OSBPL6: variants seen among roughly 807,000 people sequenced by gnomAD.
OSBPL6 encodes oxysterol binding protein like 6.
A neutral mutation model predicts 125.8 loss-of-function variants in OSBPL6; 49 were observed. That is an observed-to-expected ratio of 0.39 (90% CI 0.31 to 0.49). The LOEUF is 0.49. Among genes scored for constraint, OSBPL6 ranks in the 20% least tolerant of loss-of-function variants. The probability of loss-of-function intolerance (pLI) is 0.88; values close to 1 mark genes in which losing one functional copy is unlikely to be tolerated. For synonymous variants in OSBPL6, 394 were observed against 391.8 expected, an observed-to-expected ratio of 1.01 and a Z score of -0.07; for missense variants, 986 against 1,135.4, an observed-to-expected ratio of 0.87 and a Z score of 1.89.
At chr2:178,338,924 C>T in intron 9 of OSBPL6, 67 bp from the exon 10 acceptor site, 3 of 1,103,274 alleles carry the variant, frequency 2.7e-6, no homozygotes, top group South Asian at 2.8e-5. Context: ...TGCATTGACC[C>T]TTTTATTACC....
At chr2:178,249,853 T>C (rs1188978643) in intron 1 of OSBPL6, among the ~76,000 whole-genome samples, 1 of 150,560 alleles carries the variant, frequency 6.6e-6, no homozygotes, top group Non-Finnish European at 1.5e-5. Context: ...TTTGGAATCT[T>C]ATATTAGCAT....
At chr2:178,313,518 G>T (rs1247247530) in intron 3 of OSBPL6, among the ~76,000 whole-genome samples, 1 of 152,026 alleles carries the variant, frequency 6.6e-6, no homozygotes, top group African/African-American at 2.4e-5. Flanking sequence ...AGAAGAAAAA[G>T]CCAGCCAGCC....
At chr2:178,234,527 C>G (rs993098730) in intron 1 of OSBPL6, among the ~76,000 whole-genome samples, 5 of 152,126 alleles carry the variant, frequency 3.3e-5, no homozygotes, top group African/African-American at 7.2e-5. Flanking sequence ...CACTGTTTCC[C>G]CCAAAGGTAA....
chr2:178,203,587 T>C (rs929096173), intron 1 of OSBPL6, among the ~76,000 whole-genome samples: 2 of 152,222 alleles, frequency 1.3e-5, no homozygotes, highest in Non-Finnish European at 2.9e-5. Context: ...CCATGAGTCA[T>C]ATTTCCCTGC....
chr2:178,376,585 T>C (rs1424522263), intron 15 of OSBPL6, among the ~76,000 whole-genome samples: 1 of 152,142 alleles, frequency 6.6e-6, no homozygotes, highest in Admixed American at 6.6e-5. Flanking sequence ...GTAATCTTCC[T>C]AAAAGGCAAA....
chr2:178,224,603 T>C (rs2090474721), intron 1 of OSBPL6, among the ~76,000 whole-genome samples: 1 of 152,226 alleles, frequency 6.6e-6, no homozygotes, highest in Admixed American at 6.5e-5. Context: ...GTTTCTTTCA[T>C]GAATCAGAAC....
At chr2:178,381,843 C>T (rs1485867482) in intron 15 of OSBPL6, among the ~76,000 whole-genome samples, 1 of 152,150 alleles carries the variant, frequency 6.6e-6, no homozygotes, top group Admixed American at 6.5e-5. Flanking sequence ...ACTGTCGGGC[C>T]CTCTTGTTTT....
intron 3 of OSBPL6, among the ~76,000 whole-genome samples, chr2:178,316,531 G>A (rs751002302): frequency 8.5e-5 from 13 of 152,076 alleles, no homozygotes; most frequent in Non-Finnish European, 1.6e-4. Flanking sequence ...TAAAACCTCT[G>A]TAGCCACAGT....
intron 3 of OSBPL6, among the ~76,000 whole-genome samples, chr2:178,307,099 A>G (rs1283159787): frequency 6.6e-6 from 1 of 152,162 alleles, no homozygotes; most frequent in Non-Finnish European, 1.5e-5. Context: ...CCGTTTTGGC[A>G]ACTTTCAATT....
In OSBPL6 at chr2:178,225,003, T is replaced by TTCTCTCTC. The variant is rs10679680; in HGVS notation, c.-351+30345_-351+30352dup. 7.2e-4 allele frequency among the ~76,000 whole-genome samples: 107 copies of TTCTCTCTC among 148,534 alleles called. 2 individuals carry two copies. The South Asian group carries it at 8.8e-3, about 12-fold the overall frequency. On this transcript the variant is annotated intron_variant, in intron 1 of 24. Transcript: ENST00000190611. ...TCTCTCTCTGCTTCTCTCTCTCTCT[T>TTCTCTCTC]TCTCTCTCTCTCTCTCTCTCTCTGA...
intron 12 of OSBPL6, among the ~76,000 whole-genome samples, chr2:178,354,485 CAAAG>C: frequency 6.6e-6 from 1 of 152,196 alleles, no homozygotes; most frequent in Non-Finnish European, 1.5e-5. Context: ...TCAAAAGAGA[CAAAG>C]AAGGCCATTA....
At chr2:178,333,357 C>T (rs1216247647) in intron 8 of OSBPL6, among the ~76,000 whole-genome samples, 1 of 151,924 alleles carries the variant, frequency 6.6e-6, no homozygotes, top group African/African-American at 2.4e-5. Context: ...TACTGAATAG[C>T]CTGGGCAATA....
At chr2:178,207,352 C>T (rs1375678160) in intron 1 of OSBPL6, among the ~76,000 whole-genome samples, 1 of 152,178 alleles carries the variant, frequency 6.6e-6, no homozygotes, top group Non-Finnish European at 1.5e-5. Flanking sequence ...AGAACTCTCT[C>T]TGCCTCTGTC....
intron 9 of OSBPL6, among the ~76,000 whole-genome samples, chr2:178,337,512 G>A (rs1689793337): frequency 6.6e-6 from 1 of 152,166 alleles, no homozygotes; most frequent in African/African-American, 2.4e-5. Context: ...GACAAAGAAT[G>A]ATGTAGCATG....
At chr2:178,377,052 A>G (rs1278580133) in intron 15 of OSBPL6, among the ~76,000 whole-genome samples, 2 of 152,172 alleles carry the variant, frequency 1.3e-5, no homozygotes, top group East Asian at 3.8e-4. Context: ...TTCTGGGACA[A>G]TCTCATCTGC....
chr2:178,339,520 C>T (rs1435308886), intron 10 of OSBPL6, 152 bp from the exon 11 acceptor site: 2 of 438,848 alleles, frequency 4.6e-6, no homozygotes, highest in Non-Finnish European at 4.0e-6. Flanking sequence ...TTTTAATGCC[C>T]ACTATTCGTC....
intron 1 of OSBPL6, among the ~76,000 whole-genome samples, chr2:178,253,847 G>C (rs542645099): frequency 2.7e-5 from 4 of 150,550 alleles, no homozygotes; most frequent in Non-Finnish European, 5.9e-5. Flanking sequence ...AGTATGGAGA[G>C]GTGGGGCCTT....
chr2:178,355,785 AAAAG>A (rs1268002821), intron 12 of OSBPL6, among the ~76,000 whole-genome samples: 1 of 152,262 alleles, frequency 6.6e-6, no homozygotes, highest in East Asian at 1.9e-4. Context: ...ACACAACAAA[AAAAG>A]AGAATTTTAG....
intron 11 of OSBPL6, among the ~76,000 whole-genome samples, chr2:178,342,663 C>T (rs547787023): frequency 1.3e-5 from 2 of 152,054 alleles, no homozygotes; most frequent in East Asian, 1.9e-4. Context: ...CTTCCTGGTT[C>T]GAATAAAAAT....
Sources: gnomAD v4.1 joint callset for allele counts (sites outside exome capture counted in the v4.1 genomes callset) on GRCh38, gnomAD v4.1.1 for gene constraint, MANE v1.5 for transcripts, NCBI Gene and HGNC (gene_info 2026-07-23, HGNC 2026-07-21) for gene names.